The following GSN variants were observed in gnomAD, a reference collection of about 807,000 sequenced individuals.
The protein encoded by GSN is actin-depolymerizing factor.
GSN carries 56 observed loss-of-function variants against 85.7 expected under a neutral mutation model. That is an observed-to-expected ratio of 0.65 (90% CI 0.53 to 0.82). GSN has a LOEUF of 0.82. GSN is among the 40% of genes least tolerant of loss of function. The probability of loss-of-function intolerance (pLI) is 0.00; values close to 1 mark genes in which losing one functional copy is unlikely to be tolerated. For synonymous variants in GSN, 373 were observed against 399.1 expected, an observed-to-expected ratio of 0.93 and a Z score of 0.78; for missense variants, 857 against 979.8, an observed-to-expected ratio of 0.87 and a Z score of 1.67.
intron 13 of GSN, 63 bp downstream of exon 13, chr9:121,326,745 C>A: frequency 7.4e-7 from 1 of 1,356,266 alleles, no homozygotes; most frequent in Non-Finnish European, 1.1e-6. Flanking sequence ...AGCTCAATGA[C>A]CAGATCTCCA....
intron 2 of GSN, among the ~76,000 whole-genome samples, chr9:121,292,598 A>G (rs1362768174): frequency 1.3e-5 from 2 of 152,058 alleles, no homozygotes; most frequent in African/African-American, 4.8e-5. Flanking sequence ...TGGCATCTTC[A>G]CCTCATTTTA....
chr9:121,203,020 G>C (rs775431157), upstream of GSN: 2 of 152,306 alleles, frequency 1.3e-5, no homozygotes. Context: ...CCAGCTACTC[G>C]GGAGGCTGAG....
At chr9:121,317,303 G>A in intron 8 of GSN, 85 bp downstream of exon 8, 1 of 1,375,380 alleles carries the variant, frequency 7.3e-7, no homozygotes, top group Non-Finnish European at 1.0e-6. Context: ...CAGCTCCCGG[G>A]GAGTGTGGAG....
chr9:121,245,005 C>T (rs926652952), intron 5 of GSN, among the ~76,000 whole-genome samples: 8 of 152,008 alleles, frequency 5.3e-5, no homozygotes, highest in African/African-American at 1.7e-4. Context: ...ACAATGTAAA[C>T]ATTTTATGTA....
At chr9:121,286,662 G>A in intron 2 of GSN, 1 of 1,534,946 alleles carries the variant, frequency 6.5e-7, no homozygotes, top group Non-Finnish European at 8.7e-7. Flanking sequence ...GGGCCGGGAA[G>A]TCAGAGAAAG....
chr9:121,245,030 T>C (rs750765750), intron 5 of GSN, among the ~76,000 whole-genome samples: 2 of 152,058 alleles, frequency 1.3e-5, no homozygotes, highest in Non-Finnish European at 2.9e-5. Context: ...CATGCAAAAT[T>C]AAGAAAAAAT....
chr9:121,292,225 G>C (rs780570744), intron 2 of GSN, among the ~76,000 whole-genome samples: 1 of 152,184 alleles, frequency 6.6e-6, no homozygotes. Context: ...GGGTGAGGCA[G>C]AACAGGCAAA....
In GSN at chr9:121,317,229, C is replaced by T. The variant is rs750974236; in HGVS notation, c.886+11C>T. 1.2e-5 allele frequency: 20 copies of T among 1,613,820 alleles called. No homozygotes were observed. Among genetic ancestry groups the T allele is most frequent in the Non-Finnish European group, 1.6e-5 (19 of 1,179,942 alleles). On this transcript the variant is annotated intron_variant, in intron 8 of 17. Transcript: ENST00000432226. ...TCTTTGTCTGGAAAGGTACTGGAGACAGGGAAAGGGTCCCAACTGGCCTGT... is the reference window on the plus strand; with the variant it reads ...TCTTTGTCTGGAAAGGTACTGGAGATAGGGAAAGGGTCCCAACTGGCCTGT...
chr9:121,204,460 A>C (rs1459019788), upstream of GSN, among the ~76,000 whole-genome samples: 2 of 152,232 alleles, frequency 1.3e-5, no homozygotes, highest in Non-Finnish European at 2.9e-5. Flanking sequence ...TTGTGGATGC[A>C]GAGTGCCTAT....
chr9:121,276,882 G>A (rs1179657248), intron 1 of GSN, among the ~76,000 whole-genome samples: 1 of 151,804 alleles, frequency 6.6e-6, no homozygotes, highest in Non-Finnish European at 1.5e-5. Flanking sequence ...CATGGCACAT[G>A]TATACATATG....
chr9:121,213,648 T>C (rs1483396076), intron 4 of GSN, among the ~76,000 whole-genome samples: 1 of 152,218 alleles, frequency 6.6e-6, no homozygotes, highest in Non-Finnish European at 1.5e-5. Flanking sequence ...GTATTAATAT[T>C]AATTGGTGAC....
At chr9:121,217,491 A>G (rs552857197) in intron 4 of GSN, among the ~76,000 whole-genome samples, 1 of 152,118 alleles carries the variant, frequency 6.6e-6, no homozygotes, top group Non-Finnish European at 1.5e-5. Context: ...TAAGCCTAGT[A>G]CCCATTAGTT....
intron 1 of GSN, among the ~76,000 whole-genome samples, chr9:121,277,087 C>G (rs1441052542): frequency 6.6e-6 from 1 of 152,136 alleles, no homozygotes; most frequent in Non-Finnish European, 1.5e-5. Context: ...TTCCTGTTCC[C>G]CTAGGTCTCC....
intron 4 of GSN, chr9:121,231,141 C>G (rs1345876208): frequency 6.6e-6 from 1 of 152,210 alleles, no homozygotes; most frequent in East Asian, 1.9e-4. Context: ...ACTCTCTGAC[C>G]TCCATGTTTG....
chr9:121,314,302 G>A (rs2061486300), intron 7 of GSN, among the ~76,000 whole-genome samples: 1 of 152,234 alleles, frequency 6.6e-6, no homozygotes. Context: ...GAGCAGAATG[G>A]TCGACTTTGT....
upstream of GSN, among the ~76,000 whole-genome samples, chr9:121,204,181 C>CT (rs2053847590): frequency 6.6e-6 from 1 of 152,176 alleles, no homozygotes; most frequent in Admixed American, 6.5e-5. Context: ...TCATTTAATC[C>CT]TTACCACATC....
At chr9:121,300,877 A>T (rs984803771) in intron 2 of GSN, among the ~76,000 whole-genome samples, 1 of 151,910 alleles carries the variant, frequency 6.6e-6, no homozygotes, top group Non-Finnish European at 1.5e-5. Context: ...CAGAGAGGAG[A>T]GGGGGCTCCT....
At chr9:121,266,006 CATCA>C (rs948089226), upstream of GSN, among the ~76,000 whole-genome samples, 1 of 152,174 alleles carries the variant, frequency 6.6e-6, no homozygotes, top group Non-Finnish European at 1.5e-5. Flanking sequence ...TCACAATCAT[CATCA>C]ATCAATCATC....
chr9:121,284,552 CT>C (rs5900479), intron 2 of GSN: 165,125 of 167,258 alleles, frequency 0.99, 81,522 homozygotes, highest in East Asian at 1. Context: ...AGTGCTTTTC[CT>C]TACTTGAGAG....
Sources: allele counts gnomAD v4.1 joint callset (sites outside exome capture counted in the v4.1 genomes callset), GRCh38; gene constraint gnomAD v4.1.1; transcripts MANE v1.5; gene names NCBI Gene and HGNC (gene_info 2026-07-23, HGNC 2026-07-21).